Variants in SULF1 observed in about 807,000 individuals in gnomAD.
SULF1 encodes the protein extracellular sulfatase Sulf-1.
Under a neutral mutation model 110.5 loss-of-function variants are expected in SULF1, and 46 were observed. That is an observed-to-expected ratio of 0.42 (90% confidence interval 0.33 to 0.53). The LOEUF is 0.53. Ranked by LOEUF, SULF1 falls within the 20% of genes least tolerant of loss-of-function variation. The pLI, the probability that SULF1 is intolerant of heterozygous loss-of-function variation, is 0.12. For missense variants in SULF1, 941 were observed against 1,094.2 expected (o/e 0.86, Z 1.98); for synonymous variants, 371 against 387.1 (o/e 0.96, Z 0.49).
Position 69,550,241 on chromosome 8 carries a change from C to T in SULF1, c.-133-13298C>T, listed in dbSNP as rs117781196. Among the ~76,000 whole-genome samples the T allele has an allele frequency of 2.0e-4, 31 of 151,996 alleles. No homozygotes were observed. The East Asian group carries it at 6.0e-3, about 29-fold the overall frequency. ...CCTTACTGTGTAATCTTGAACAGATCCCTAAACTTCCCTGAATCTCAGTTT... is the reference window on the plus strand; with the variant it reads ...CCTTACTGTGTAATCTTGAACAGATTCCTAAACTTCCCTGAATCTCAGTTT... On this transcript the variant is annotated intron_variant, in intron 3 of 22. Coordinates refer to ENST00000402687, the MANE Select transcript of SULF1 (RefSeq NM_001128205.2).
rs554103693 is a variant in SULF1 at position 69,626,900 on chromosome 8, A to G, written c.1851-310A>G. Reference sequence around the variant, plus strand: ...GAGGGAGCCGGCACTGGCCTTGGCCAGCTCAGAAAGGGGCTCCCACAGTGC... The same window carrying G: ...GAGGGAGCCGGCACTGGCCTTGGCCGGCTCAGAAAGGGGCTCCCACAGTGC... On this transcript the variant is annotated intron_variant, in intron 15 of 22. Coordinates refer to ENST00000402687, the MANE Select transcript of SULF1 (RefSeq NM_001128205.2). Among the ~76,000 whole-genome samples the G allele has an allele frequency of 2.3e-4, 35 of 152,346 alleles. No individual in the cohort carries two copies. In the South Asian group the frequency reaches 3.3e-3, roughly 14 times the overall value.
chr8:69,519,861 A>G (rs1338273795), intron 3 of SULF1, among the ~76,000 whole-genome samples: 1 of 152,194 alleles, frequency 6.6e-6, no homozygotes, highest in Non-Finnish European at 1.5e-5. Context: ...GTAGACTCAC[A>G]AAATAAGAAT....
At position 69,629,689 on chromosome 8, in the gene SULF1, T is replaced by C. The variant is rs1483024762; in HGVS notation, c.2284+10T>C. The C allele has an allele frequency of 6.3e-7, 1 of 1,587,738 alleles. No individual in the cohort carries two copies. Among genetic ancestry groups the C allele is most frequent in the African/African-American group, 1.4e-5 (1 of 73,952 alleles). ...GCCCCGTTCTGGAACCGTAAGTTGC[T>C]TGTTCCAAATGCCACTTCCTGCCGC... On this transcript the variant is annotated intron_variant, in intron 19 of 22. Coordinates refer to ENST00000402687, the MANE Select transcript of SULF1 (RefSeq NM_001128205.2).
chr8:69,492,533 C>A (rs1294355429), upstream of SULF1, among the ~76,000 whole-genome samples: 1 of 152,180 alleles, frequency 6.6e-6, no homozygotes, highest in Non-Finnish European at 1.5e-5. Context: ...CTGCCACAGG[C>A]AGCTACTGTG....
At chr8:69,643,554 C>T (rs2130699129) in intron 22 of SULF1, among the ~76,000 whole-genome samples, 1 of 152,212 alleles carries the variant, frequency 6.6e-6, no homozygotes, top group East Asian at 1.9e-4. Flanking sequence ...ACAAGATGAA[C>T]TAAATAAATG....
In SULF1 at chr8:69,629,763, T is replaced by C. The variant is rs74655932; in HGVS notation, c.2284+84T>C. 2,071 of 1,224,806 alleles carry C rather than the reference T, an allele frequency of 1.7e-3. 34 individuals are homozygous for C. In the East Asian group the frequency reaches 0.023, roughly 13 times the overall value. 75.9% of individuals were successfully genotyped at this position (1,224,806 alleles called of 1,614,324 possible). On this transcript the variant is annotated intron_variant, in intron 19 of 22. Transcript: ENST00000402687. ...CTTAGATCAGAAATTCAGCATAAAA[T>C]GAGGAATCTACAAAGATTCAAGAGA...
chr8:69,498,569 C>T (rs938236006), intron 2 of SULF1, among the ~76,000 whole-genome samples: 1 of 152,130 alleles, frequency 6.6e-6, no homozygotes, highest in African/African-American at 2.4e-5. Flanking sequence ...TGCATGCAGG[C>T]CATAGAGACG....
At chr8:69,469,384 C>T (rs1050678332) in intron 1 of SULF1, 14 of 152,126 alleles carry the variant, frequency 9.2e-5, no homozygotes, top group African/African-American at 9.7e-5. Context: ...AATGTGCACT[C>T]GGTATGCATT....
chr8:69,548,397 G>A (rs1814434768), intron 3 of SULF1, among the ~76,000 whole-genome samples: 1 of 151,412 alleles, frequency 6.6e-6, no homozygotes, highest in African/African-American at 2.4e-5. Flanking sequence ...CCACATCCCA[G>A]TATCACTTAG....
At chr8:69,604,685 T>G (rs1422742024) in intron 12 of SULF1, 118 bp from the exon 13 acceptor site, 6 of 1,320,122 alleles carry the variant, frequency 4.5e-6, no homozygotes, top group Non-Finnish European at 6.3e-6. Flanking sequence ...AACATCTATT[T>G]CTTGCTGTTT....
chr8:69,483,691 A>T (rs1312112397), intron 1 of SULF1, among the ~76,000 whole-genome samples: 1 of 152,144 alleles, frequency 6.6e-6, no homozygotes. Flanking sequence ...CAAGAGGCTG[A>T]GGCAGGAGGA....
chr8:69,568,431 T>C (rs182883101), intron 5 of SULF1, among the ~76,000 whole-genome samples: 204 of 152,306 alleles, frequency 1.3e-3, no homozygotes, highest in African/African-American at 4.7e-3. Context: ...TATTACTCTG[T>C]AAAGGGAGTA....
chr8:69,653,226 C>A (rs1468777832), intron 22 of SULF1, among the ~76,000 whole-genome samples: 3 of 152,118 alleles, frequency 2.0e-5, no homozygotes, highest in Admixed American at 2.0e-4. Context: ...TGTGCCACCA[C>A]ACTCAGCTAA....
intron 15 of SULF1, among the ~76,000 whole-genome samples, chr8:69,626,855 T>G (rs1810105199): frequency 6.6e-6 from 1 of 152,140 alleles, no homozygotes; most frequent in Non-Finnish European, 1.5e-5. Context: ...CGCCTCTCCC[T>G]CCACACCTCC....
intron 3 of SULF1, among the ~76,000 whole-genome samples, chr8:69,503,318 C>A (rs1415431529): frequency 6.6e-6 from 1 of 152,092 alleles, no homozygotes; most frequent in African/African-American, 2.4e-5. Context: ...GGGGTATTAA[C>A]CCCCATGGCT....
chr8:69,510,638 A>G (rs1291419176), intron 3 of SULF1, among the ~76,000 whole-genome samples: 1 of 143,510 alleles, frequency 7.0e-6, no homozygotes, highest in African/African-American at 2.6e-5. Context: ...TTTTTTTGAG[A>G]CAAAGTCTCA....
rs1031552344 is a variant in SULF1, at chr8:69,621,150, A to G, written c.1493A>G (p.His498Arg). ...STRNLYARGF[H>R]DKDKECSCRE... The stretch of plus-strand genomic sequence containing the variant: ...CGGAACCTCTACGCTCGCGGCTTCC[A>G]TGACAAAGACAAAGAGTGCAGTTGT... The change falls in exon 14 of 23, where the codon CAT becomes CGT. Residue 498 changes from histidine (H) to arginine (R), a missense_variant. Coordinates refer to ENST00000402687, the MANE Select transcript of SULF1 (RefSeq NM_001128205.2). 1.9e-6 allele frequency: 3 copies of G among 1,614,210 alleles called. No homozygotes were observed. In the Admixed American group the frequency reaches 5.0e-5, roughly 27 times the overall value.
chr8:69,604,429 CT>C (rs1808060998), intron 12 of SULF1, among the ~76,000 whole-genome samples: 1 of 152,150 alleles, frequency 6.6e-6, no homozygotes, highest in Non-Finnish European at 1.5e-5. Context: ...TGGGTTTCCC[CT>C]TTTGGTTCAT....
At chr8:69,619,363 C>T (rs1809421931) in intron 13 of SULF1, among the ~76,000 whole-genome samples, 1 of 152,168 alleles carries the variant, frequency 6.6e-6, no homozygotes, top group African/African-American at 2.4e-5. Flanking sequence ...TTCCTGCCTC[C>T]CCAATTAATT....
Sources: gnomAD v4.1 joint callset for allele counts (sites outside exome capture counted in the v4.1 genomes callset) on GRCh38, gnomAD v4.1.1 for gene constraint, MANE v1.5 for transcripts, NCBI Gene and HGNC (gene_info 2026-07-23, HGNC 2026-07-21) for gene names.